EYA2: variants seen among roughly 807,000 people sequenced by gnomAD.
EYA2 encodes the protein protein phosphatase EYA2.
A neutral mutation model predicts 69.2 loss-of-function variants in EYA2; 31 were observed. That is an observed-to-expected ratio of 0.45 (90% CI 0.34 to 0.60). The LOEUF (loss-of-function observed/expected upper bound fraction) is 0.60, where lower values mean the gene tolerates loss of function less well. Ranked by LOEUF, EYA2 falls within the 20% of genes least tolerant of loss-of-function variation. The pLI, the probability that EYA2 is intolerant of heterozygous loss-of-function variation, is 0.02. For synonymous variants in EYA2, 257 were observed against 279.4 expected (o/e 0.92, Z 0.80); for missense variants, 622 against 701.2 (o/e 0.89, Z 1.28).
chr20:47,055,712 G>C (rs2030578674), intron 5 of EYA2, among the ~76,000 whole-genome samples: 1 of 152,132 alleles, frequency 6.6e-6, no homozygotes, highest in African/African-American at 2.4e-5. Flanking sequence ...GATGTAACTG[G>C]CTCCTTCCTA....
rs1221007983 is a variant in EYA2, at chr20:47,064,708, T to C, written c.416-7477T>C. Among the ~76,000 whole-genome samples the C allele has an allele frequency of 2.0e-5, 3 of 152,194 alleles. No homozygotes were observed. The East Asian group carries it at 5.8e-4, about 29-fold the overall frequency. On this transcript the variant is annotated intron_variant, in intron 5 of 15. Transcript: ENST00000327619. Reference sequence around the variant, plus strand: ...CTAGCGAGTGTGAAGGAGCAGCAGTTTTCAGCCCAGACACTCGTGTTGGGT... The same window carrying C: ...CTAGCGAGTGTGAAGGAGCAGCAGTCTTCAGCCCAGACACTCGTGTTGGGT...
At chr20:47,149,903 C>T (rs1052870893) in intron 10 of EYA2, among the ~76,000 whole-genome samples, 1 of 152,106 alleles carries the variant, frequency 6.6e-6, no homozygotes, top group Non-Finnish European at 1.5e-5. Flanking sequence ...GCAAGATTTG[C>T]AGGCAAGATG....
intron 10 of EYA2, among the ~76,000 whole-genome samples, chr20:47,149,423 G>T (rs973633433): frequency 6.6e-6 from 1 of 151,968 alleles, no homozygotes; most frequent in East Asian, 1.9e-4. Flanking sequence ...CATCCATGGC[G>T]TTTGGTGGCC....
chr20:47,027,255 G>T (rs1269011853), intron 5 of EYA2, among the ~76,000 whole-genome samples: 1 of 152,240 alleles, frequency 6.6e-6, no homozygotes, highest in African/African-American at 2.4e-5. Context: ...CTTTCAGGCT[G>T]TCCCAGCCCA....
At chr20:46,992,653 T>A (rs1981754766) in intron 2 of EYA2, among the ~76,000 whole-genome samples, 1 of 152,220 alleles carries the variant, frequency 6.6e-6, no homozygotes, top group Non-Finnish European at 1.5e-5. Flanking sequence ...CACTCCTTTT[T>A]GTGACTTGGA....
chr20:46,955,735 A>C (rs150260842), intron 1 of EYA2, among the ~76,000 whole-genome samples: 2 of 152,294 alleles, frequency 1.3e-5, no homozygotes, highest in African/African-American at 4.8e-5. Flanking sequence ...ACATTTTTTC[A>C]CTGTTAGTAC....
rs140928555 is a variant in EYA2 at position 47,076,286 on chromosome 20, G to A, written c.661+1951G>A. 1.7e-3 allele frequency among the ~76,000 whole-genome samples: 255 copies of A among 152,272 alleles called. 2 individuals carry two copies. Among genetic ancestry groups the A allele is most frequent in the African/African-American group, 5.8e-3 (243 of 41,554 alleles). On this transcript the variant is annotated intron_variant, in intron 7 of 15. Coordinates refer to ENST00000327619, the MANE Select transcript of EYA2 (RefSeq NM_005244.5). The stretch of plus-strand genomic sequence containing the variant: ...AAGTTCCTTGAGAAATCTTCAGGCC[G>A]CTTTCCACAGTGGCTGAACTAATTT...
At chr20:46,905,277 G>A (rs1438592669) in intron 1 of EYA2, among the ~76,000 whole-genome samples, 1 of 152,066 alleles carries the variant, frequency 6.6e-6, no homozygotes, top group Admixed American at 6.5e-5. Flanking sequence ...ACTGCCCAGC[G>A]GCATTCCATT....
Position 47,063,958 on chromosome 20 carries a change from G to C in EYA2, c.416-8227G>C, listed in dbSNP as rs1456503796. Reference sequence around the variant, plus strand: ...AAGAACCTGGGCGACTAATAGTCAAGGCCCTCCACCAGTAACAACAGGGTC... The same window carrying C: ...AAGAACCTGGGCGACTAATAGTCAACGCCCTCCACCAGTAACAACAGGGTC... On this transcript the variant is annotated intron_variant, in intron 5 of 15. Coordinates refer to ENST00000327619, the MANE Select transcript of EYA2 (RefSeq NM_005244.5). 2.0e-5 allele frequency among the ~76,000 whole-genome samples: 3 copies of C among 152,250 alleles called. No individual in the cohort carries two copies. The East Asian group carries it at 5.8e-4, about 29-fold the overall frequency.
chr20:47,021,607 AC>A (rs1225034345), intron 5 of EYA2, among the ~76,000 whole-genome samples: 2 of 143,580 alleles, frequency 1.4e-5, no homozygotes, highest in Non-Finnish European at 3.0e-5. Context: ...AGTCTAGGCG[AC>A]AAAGCGAGAC....
chr20:47,143,180 C>A, intron 10 of EYA2, 32 bp downstream of exon 10: 1 of 1,567,218 alleles, frequency 6.4e-7, no homozygotes, highest in Non-Finnish European at 8.7e-7. Flanking sequence ...TTAATATTTG[C>A]CATGTTTAAT....
At chr20:46,943,045 C>T (rs1326222306) in intron 1 of EYA2, among the ~76,000 whole-genome samples, 1 of 152,204 alleles carries the variant, frequency 6.6e-6, no homozygotes, top group Non-Finnish European at 1.5e-5. Flanking sequence ...GGATTATGGG[C>T]GTGAGCCTGC....
chr20:46,992,485 G>A (rs1380333991), intron 2 of EYA2, among the ~76,000 whole-genome samples: 1 of 152,182 alleles, frequency 6.6e-6, no homozygotes, highest in Admixed American at 6.5e-5. Context: ...GCATGGAGGA[G>A]TTACGTAACC....
At chr20:47,123,305 T>C (rs2146562408) in intron 9 of EYA2, among the ~76,000 whole-genome samples, 1 of 152,330 alleles carries the variant, frequency 6.6e-6, no homozygotes, top group Non-Finnish European at 1.5e-5. Context: ...GTGTTGGGAA[T>C]GTTTAATATC....
chr20:47,074,999 T>C (rs2031460449), intron 7 of EYA2, among the ~76,000 whole-genome samples: 1 of 152,178 alleles, frequency 6.6e-6, no homozygotes, highest in African/African-American at 2.4e-5. Context: ...TAATCCCAGC[T>C]ACTAGGGCGG....
chr20:46,968,911 G>A (rs1600591729), intron 1 of EYA2, among the ~76,000 whole-genome samples: 1 of 152,142 alleles, frequency 6.6e-6, no homozygotes, highest in African/African-American at 2.4e-5. Flanking sequence ...GTAAAATGAG[G>A]GGACAGTATT....
At chr20:47,065,424 A>G (rs1469203378) in intron 5 of EYA2, among the ~76,000 whole-genome samples, 1 of 152,178 alleles carries the variant, frequency 6.6e-6, no homozygotes, top group Non-Finnish European at 1.5e-5. Flanking sequence ...GCAAAAACAC[A>G]TACACATACA....
Position 46,991,751 on chromosome 20 carries a change from C to T in EYA2, c.109+1632C>T, listed in dbSNP as rs142736120. On this transcript the variant is annotated intron_variant, in intron 2 of 15. Transcript: ENST00000327619. ...TTGGGAGGCCAAGGCAGGCGGATCA[C>T]GAGGTCAGGAGTTCAAGACCAGCCT... 1.2e-3 allele frequency among the ~76,000 whole-genome samples: 183 copies of T among 152,214 alleles called. 1 individual carries two copies. The highest frequency in any genetic ancestry group is 3.8e-3 in the African/African-American group (158 of 41,524).
chr20:47,131,892 C>G (rs1483666221), intron 9 of EYA2, among the ~76,000 whole-genome samples: 1 of 152,174 alleles, frequency 6.6e-6, no homozygotes, highest in Non-Finnish European at 1.5e-5. Flanking sequence ...GGTGACTTCC[C>G]ATTTATGGTG....
Sources: allele counts gnomAD v4.1 joint callset (sites outside exome capture counted in the v4.1 genomes callset), GRCh38; gene constraint gnomAD v4.1.1; transcripts MANE v1.5; gene names NCBI Gene and HGNC (gene_info 2026-07-23, HGNC 2026-07-21).